EBF3: variants seen among roughly 807,000 people sequenced by gnomAD.
The protein encoded by EBF3 is transcription factor COE3.
In EBF3, 18 loss-of-function variants were observed where a neutral mutation model predicts 77.1. The ratio of observed to expected loss-of-function variants is 0.23; its 90% CI spans 0.16 to 0.35. The LOEUF (loss-of-function observed/expected upper bound fraction) is 0.35, where lower values mean the gene tolerates loss of function less well. EBF3 is among the 10% of genes least tolerant of loss of function. EBF3 has a pLI of 1.00. For synonymous variants in EBF3, 350 were observed against 343.5 expected, an observed-to-expected ratio of 1.02 and a Z score of -0.21; for missense variants, 558 against 860.0, an observed-to-expected ratio of 0.65 and a Z score of 4.39.
At chr10:129,886,401 C>T (rs1414328660) in intron 6 of EBF3, among the ~76,000 whole-genome samples, 1 of 152,202 alleles carries the variant, frequency 6.6e-6, no homozygotes, top group Non-Finnish European at 1.5e-5. Flanking sequence ...CTTCATTACT[C>T]CTGCGTGTCA....
At chr10:129,880,284 A>C (rs537856960) in intron 6 of EBF3, among the ~76,000 whole-genome samples, 3 of 150,906 alleles carry the variant, frequency 2.0e-5, no homozygotes, top group African/African-American at 7.5e-5. Flanking sequence ...ACACCTATGC[A>C]CACATACACA....
In EBF3 at chr10:129,837,017, GCAAAATCA is replaced by G. The variant is rs1849653363; in HGVS notation, c.*918_*925del. Reference sequence around the variant, plus strand: ...GTATAAATATTTAGCTACAACTTTGGCAAAATCACAAAAGTCTACAATTTTATAACCAC... The same window carrying G: ...GTATAAATATTTAGCTACAACTTTGGCAAAAGTCTACAATTTTATAACCAC... On this transcript the variant is annotated 3_prime_UTR_variant, in exon 17 of 17. Coordinates refer to ENST00000440978, the MANE Select transcript of EBF3 (RefSeq NM_001375380.1). 6.6e-6 allele frequency: 1 copy of G among 152,460 alleles called. No homozygotes were observed. The highest frequency in any genetic ancestry group is 6.6e-5 in the Admixed American group (1 of 15,248). 9.4% of individuals were successfully genotyped at this position (152,460 alleles called of 1,614,324 possible).
intron 6 of EBF3, among the ~76,000 whole-genome samples, chr10:129,884,629 T>G (rs536870634): frequency 1.3e-5 from 2 of 152,374 alleles, no homozygotes; most frequent in Admixed American, 6.5e-5. Context: ...GCTTGAATTT[T>G]ACAGCTGTGC....
intron 6 of EBF3, among the ~76,000 whole-genome samples, chr10:129,939,399 A>C (rs79439839): frequency 1.3e-5 from 2 of 152,220 alleles, no homozygotes; most frequent in African/African-American, 4.8e-5. Context: ...TCAAAAATCA[A>C]ACCAACCAAC....
chr10:129,949,279 G>A (rs759458814), intron 6 of EBF3, among the ~76,000 whole-genome samples: 2 of 152,154 alleles, frequency 1.3e-5, no homozygotes, highest in Non-Finnish European at 2.9e-5. Flanking sequence ...CCAGCTTGGG[G>A]CAACAAGAGC....
chr10:129,911,822 C>A (rs1855543949), intron 6 of EBF3, among the ~76,000 whole-genome samples: 1 of 152,208 alleles, frequency 6.6e-6, no homozygotes, highest in Non-Finnish European at 1.5e-5. Flanking sequence ...CCCAAGTGCC[C>A]TCTCACCCAC....
chr10:129,899,248 C>T (rs1854614191), intron 6 of EBF3, among the ~76,000 whole-genome samples: 1 of 152,210 alleles, frequency 6.6e-6, no homozygotes, highest in Non-Finnish European at 1.5e-5. Flanking sequence ...GGTGACGGCA[C>T]CATGGAATCA....
At chr10:129,865,327 T>C (rs563402020) in intron 10 of EBF3, among the ~76,000 whole-genome samples, 1 of 152,340 alleles carries the variant, frequency 6.6e-6, no homozygotes, top group African/African-American at 2.4e-5. Context: ...GGTTCCCCAA[T>C]TTTTTGAACC....
chr10:129,915,118 C>G (rs956748466), intron 6 of EBF3, among the ~76,000 whole-genome samples: 8 of 152,130 alleles, frequency 5.3e-5, no homozygotes, highest in South Asian at 2.1e-4. Context: ...GCCTCATGGA[C>G]AGCACTGGGG....
intron 6 of EBF3, among the ~76,000 whole-genome samples, chr10:129,950,163 G>A (rs918685714): frequency 6.6e-6 from 1 of 152,106 alleles, no homozygotes; most frequent in African/African-American, 2.4e-5. Context: ...CCTTCCGTTC[G>A]CGGGGCCTGG....
chr10:129,945,359 T>C lies in EBF3; in HGVS notation c.554+11899A>G, dbSNP rs1049836079. ...GATAACTCGGGAGAACCCTAACCGA[T>C]TGCGATGGTCTAATCCTATGGATCA... On this transcript the variant is annotated intron_variant, in intron 6 of 16. Transcript: ENST00000440978. Among the ~76,000 whole-genome samples the C allele has an allele frequency of 2.6e-5, 4 of 152,160 alleles. No individual in the cohort carries two copies. In the South Asian group the frequency reaches 8.3e-4, roughly 32 times the overall value.
At chr10:129,846,877 T>C (rs528722128) in intron 11 of EBF3, among the ~76,000 whole-genome samples, 1 of 151,760 alleles carries the variant, frequency 6.6e-6, no homozygotes, top group South Asian at 2.1e-4. Context: ...GGAGGGCTTA[T>C]GGGAAAAAAT....
At chr10:129,931,522 A>G (rs1372669593) in intron 6 of EBF3, among the ~76,000 whole-genome samples, 1 of 152,222 alleles carries the variant, frequency 6.6e-6, no homozygotes, top group Non-Finnish European at 1.5e-5. Flanking sequence ...CTTAAATGAC[A>G]TATAGCAAGT....
chr10:129,927,888 T>G (rs1294837942), intron 6 of EBF3, among the ~76,000 whole-genome samples: 2 of 151,856 alleles, frequency 1.3e-5, no homozygotes, highest in African/African-American at 2.4e-5. Context: ...GATGGGGAGG[T>G]GGAGTCTCCA....
intron 6 of EBF3, among the ~76,000 whole-genome samples, chr10:129,915,014 C>T (rs1855780165): frequency 6.6e-6 from 1 of 152,324 alleles, no homozygotes; most frequent in Admixed American, 6.5e-5. Flanking sequence ...AGCCAAGACA[C>T]AAATGTGCTT....
Position 129,837,403 on chromosome 10 carries a change from A to G in EBF3, c.*540T>C, listed in dbSNP as rs1338751390. 6.5e-6 allele frequency: 1 copy of G among 153,440 alleles called. No individual in the cohort carries two copies. Among genetic ancestry groups the G allele is most frequent in the African/African-American group, 2.4e-5 (1 of 41,382 alleles). 9.5% of individuals were successfully genotyped at this position (153,440 alleles called of 1,614,324 possible). On this transcript the variant is annotated 3_prime_UTR_variant, in exon 17 of 17. Transcript: ENST00000440978. ...TGCCACCCCAGTTTCTCCTCATCAT[A>G]TAGTCATCCTTTTTTCCAGTCTGAT...
intron 15 of EBF3, among the ~76,000 whole-genome samples, chr10:129,839,579 C>G (rs1341600172): frequency 2.0e-5 from 3 of 152,224 alleles, no homozygotes; most frequent in Non-Finnish European, 4.4e-5. Context: ...GGAAAATCAG[C>G]TCCTGTCCAC....
At chr10:129,845,035 A>ACTT (rs779466504) in intron 11 of EBF3, among the ~76,000 whole-genome samples, 7 of 152,322 alleles carry the variant, frequency 4.6e-5, no homozygotes, top group Non-Finnish European at 8.8e-5. Context: ...TCCATATGGT[A>ACTT]CTTTGCAATT....
chr10:129,911,398 CCT>C (rs1194625388), intron 6 of EBF3, among the ~76,000 whole-genome samples: 3 of 152,224 alleles, frequency 2.0e-5, no homozygotes, highest in Admixed American at 6.5e-5. Context: ...CTCTCTAGAC[CCT>C]GTCCTGGCTC....
Sources: allele counts gnomAD v4.1 joint callset (sites outside exome capture counted in the v4.1 genomes callset), GRCh38; gene constraint gnomAD v4.1.1; transcripts MANE v1.5; gene names NCBI Gene and HGNC (gene_info 2026-07-23, HGNC 2026-07-21).